The following RAB27B variants were observed in gnomAD, a reference collection of about 807,000 sequenced individuals.
The protein encoded by RAB27B is ras-related protein Rab-27B.
RAB27B carries 15 observed loss-of-function variants against 24.6 expected under a neutral mutation model. The observed-to-expected ratio is 0.61, with a 90% CI of 0.41 to 0.94. RAB27B has a LOEUF of 0.94. Among genes scored for constraint, RAB27B ranks in the 40% least tolerant of loss-of-function variants. The pLI is 0.00. For missense variants in RAB27B, 261 were observed against 266.8 expected, an observed-to-expected ratio of 0.98 and a Z score of 0.15; for synonymous variants, 105 against 92.5, an observed-to-expected ratio of 1.14 and a Z score of -0.78.
intron 1 of RAB27B, among the ~76,000 whole-genome samples, chr18:54,872,066 C>T (rs1912491410): frequency 6.6e-6 from 1 of 152,008 alleles, no homozygotes; most frequent in African/African-American, 2.4e-5. Flanking sequence ...GGAGTATATC[C>T]TCAGAGCCAT....
intron 2 of RAB27B, among the ~76,000 whole-genome samples, chr18:54,765,290 C>G (rs904016702): frequency 1.4e-4 from 22 of 152,076 alleles, no homozygotes; most frequent in African/African-American, 4.1e-4. Context: ...CTGTGCCCAG[C>G]CCCTCTCTGA....
At chr18:54,796,336 C>T (rs1909417374) in intron 2 of RAB27B, among the ~76,000 whole-genome samples, 1 of 152,140 alleles carries the variant, frequency 6.6e-6, no homozygotes, top group African/African-American at 2.4e-5. Context: ...CTGATCAGCT[C>T]GATAGACCCT....
chr18:54,775,078 T>A (rs1249854740), intron 2 of RAB27B, among the ~76,000 whole-genome samples: 1 of 152,250 alleles, frequency 6.6e-6, no homozygotes, highest in Admixed American at 6.5e-5. Flanking sequence ...TCCTTCCTAC[T>A]GCTTCCTCAG....
rs118151959 is a variant in RAB27B at position 54,807,188 on chromosome 18, C to T, written c.-19-70379C>T. 2.5e-3 allele frequency among the ~76,000 whole-genome samples: 385 copies of T among 152,318 alleles called. 10 individuals carry two copies. The East Asian group carries it at 0.063, about 25-fold the overall frequency. On this transcript the variant is annotated intron_variant, in intron 2 of 4. Coordinates refer to the RAB27B transcript ENST00000586570. ...TGCTGGGATTACAGGCATGAGCCAC[C>T]GCGCCCGGCCTAAGCTAATTTTGAA...
intron 1 of RAB27B, among the ~76,000 whole-genome samples, chr18:54,874,620 T>C (rs1311232550): frequency 1.3e-5 from 2 of 152,084 alleles, no homozygotes; most frequent in Non-Finnish European, 2.9e-5. Flanking sequence ...AGATGTGTCT[T>C]ATTGACTCCA....
chr18:54,802,389 T>C (rs1909638182), intron 2 of RAB27B, among the ~76,000 whole-genome samples: 1 of 152,144 alleles, frequency 6.6e-6, no homozygotes, highest in Admixed American at 6.5e-5. Flanking sequence ...TGCCCACTGG[T>C]TCAGTGCCTG....
intron 2 of RAB27B, among the ~76,000 whole-genome samples, chr18:54,804,907 T>TTTCA (rs1909733479): frequency 3.2e-5 from 1 of 30,972 alleles, no homozygotes; most frequent in Non-Finnish European, 8.8e-5. Context: ...TCTCTCTCTC[T>TTTCA]TTCTTTCTTT....
chr18:54,764,761 T>A (rs574623766), intron 2 of RAB27B, among the ~76,000 whole-genome samples: 1 of 152,314 alleles, frequency 6.6e-6, no homozygotes, highest in South Asian at 2.1e-4. Context: ...GCTTATTGAT[T>A]CTTCTTTCAA....
chr18:54,826,446 C>T (rs1335770504), upstream of RAB27B, among the ~76,000 whole-genome samples: 1 of 152,076 alleles, frequency 6.6e-6, no homozygotes, highest in Non-Finnish European at 1.5e-5. Context: ...CCCCTCTTCC[C>T]AGGGAAGGAA....
At chr18:54,855,593 G>T (rs2145226876) in intron 1 of RAB27B, among the ~76,000 whole-genome samples, 1 of 152,258 alleles carries the variant, frequency 6.6e-6, no homozygotes, top group Non-Finnish European at 1.5e-5. Context: ...ACCCGTTCCA[G>T]TACCTCATTA....
chr18:54,790,528 A>G (rs1181040101), intron 2 of RAB27B, among the ~76,000 whole-genome samples: 1 of 152,170 alleles, frequency 6.6e-6, no homozygotes. Flanking sequence ...AAGTTTAGAG[A>G]AAAAAATGAA....
At chr18:54,852,909 G>A (rs1911641738) in intron 1 of RAB27B, among the ~76,000 whole-genome samples, 1 of 152,168 alleles carries the variant, frequency 6.6e-6, no homozygotes, top group Admixed American at 6.5e-5. Flanking sequence ...TTGAAATGCA[G>A]GATGTAGACA....
At chr18:54,796,489 G>A (rs1909423907) in intron 2 of RAB27B, among the ~76,000 whole-genome samples, 2 of 152,168 alleles carry the variant, frequency 1.3e-5, no homozygotes, top group Non-Finnish European at 2.9e-5. Context: ...GGTTCTCAGT[G>A]AGATGGGTGG....
intron 1 of RAB27B, among the ~76,000 whole-genome samples, chr18:54,860,360 C>T (rs1316846909): frequency 1.3e-5 from 2 of 152,138 alleles, no homozygotes; most frequent in East Asian, 3.9e-4. Context: ...CTGCCACGGC[C>T]CCCTAAAGCT....
chr18:54,881,749 T>C (rs1031698100), intron 3 of RAB27B, among the ~76,000 whole-genome samples: 1 of 152,188 alleles, frequency 6.6e-6, no homozygotes, highest in African/African-American at 2.4e-5. Context: ...TCAAAGATAC[T>C]GGACAGAATA....
intron 2 of RAB27B, among the ~76,000 whole-genome samples, chr18:54,736,218 G>T (rs1568046670): frequency 6.6e-6 from 1 of 152,098 alleles, no homozygotes; most frequent in East Asian, 1.9e-4. Context: ...GCTTCATGTA[G>T]AATTTTATTT....
At chr18:54,811,765 A>G (rs950800622) in intron 2 of RAB27B, among the ~76,000 whole-genome samples, 13 of 152,176 alleles carry the variant, frequency 8.5e-5, no homozygotes, top group African/African-American at 3.1e-4. Context: ...ACAGATTGTG[A>G]GGGAGGTTTG....
At chr18:54,797,711 G>C (rs1024818191) in intron 2 of RAB27B, among the ~76,000 whole-genome samples, 1 of 152,020 alleles carries the variant, frequency 6.6e-6, no homozygotes, top group African/African-American at 2.4e-5. Context: ...TGGTCTACTG[G>C]GTCTAACCTT....
At chr18:54,883,622 A>G (rs1337316957) in intron 3 of RAB27B, among the ~76,000 whole-genome samples, 1 of 152,108 alleles carries the variant, frequency 6.6e-6, no homozygotes, top group African/African-American at 2.4e-5. Context: ...CTGACCAGGC[A>G]GGGAAAAACT....
Sources: allele counts gnomAD v4.1 joint callset (sites outside exome capture counted in the v4.1 genomes callset), GRCh38; gene constraint gnomAD v4.1.1; transcripts MANE v1.5; gene names NCBI Gene and HGNC (gene_info 2026-07-23, HGNC 2026-07-21).